Variants in CCNT2 observed in about 807,000 individuals in gnomAD.
CCNT2 encodes the protein cyclin T2.
In CCNT2, 18 loss-of-function variants were observed where a neutral mutation model predicts 70.0. The observed-to-expected ratio is 0.26, with a 90% CI of 0.18 to 0.38. The LOEUF is 0.38. Ranked by LOEUF, CCNT2 falls within the 10% of genes least tolerant of loss-of-function variation. The pLI, the probability that CCNT2 is intolerant of heterozygous loss-of-function variation, is 1.00. For missense variants in CCNT2, 734 were observed against 890.2 expected, an observed-to-expected ratio of 0.82 and a Z score of 2.23; for synonymous variants, 334 against 313.3, an observed-to-expected ratio of 1.07 and a Z score of -0.70.
At chr2:134,946,366 A>G in intron 6 of CCNT2, 1 of 1,249,552 alleles carries the variant, frequency 8.0e-7, no homozygotes, top group Non-Finnish European at 1.0e-6. Context: ...TTCTGATGAC[A>G]TATTCTCGAT....
intron 1 of CCNT2, among the ~76,000 whole-genome samples, chr2:134,919,551 G>C (rs1461632793): frequency 6.6e-6 from 1 of 152,076 alleles, no homozygotes; most frequent in African/African-American, 2.4e-5. Context: ...TTAGTTAGTC[G>C]TAGCCATTGA....
rs745511547 is a variant in CCNT2, at chr2:134,953,588, A to T, written c.1133A>T (p.Asn378Ile). Residue 378 changes from asparagine (N) to isoleucine (I), a missense_variant, in exon 9 of 9, where the codon AAC (asparagine) becomes ATC (isoleucine). Physicochemically the swap from Asn to Ile is moderately radical, Grantham distance 149. This residue lies in a region of CCNT2 where 532 missense variants were observed against 556.9 expected (regional missense o/e 0.96). Transcript: ENST00000264157. ...ACATCTTTGTCTGGTAGCCAGTACA[A>T]CATCAACTTCCAGCAGGGACCTTCT... The part of the protein sequence containing the change: ...QETSLSGSQY[N>I]INFQQGPSIS... The T allele has an allele frequency of 3.7e-6, 6 of 1,614,154 alleles. No homozygotes were observed. Among genetic ancestry groups the T allele is most frequent in the South Asian group, 1.1e-5 (1 of 91,082 alleles).
intron 2 of CCNT2, among the ~76,000 whole-genome samples, chr2:134,921,321 T>C (rs1208017939): frequency 6.6e-6 from 1 of 152,018 alleles, no homozygotes; most frequent in African/African-American, 2.4e-5. Flanking sequence ...ATAAATGATC[T>C]AGCCACAAGT....
chr2:134,933,431 A>G (rs1359698545), intron 2 of CCNT2, among the ~76,000 whole-genome samples: 1 of 152,194 alleles, frequency 6.6e-6, no homozygotes, highest in African/African-American at 2.4e-5. Context: ...AGAGTGAAGA[A>G]TATCAGCAGT....
intron 5 of CCNT2, chr2:134,945,089 C>T (rs1369026546): frequency 1.0e-6 from 1 of 985,270 alleles, no homozygotes; most frequent in African/African-American, 1.7e-5. Flanking sequence ...GTCACACTGC[C>T]TCCAAGACAT....
intron 7 of CCNT2, among the ~76,000 whole-genome samples, 160 bp from the exon 8 acceptor site, chr2:134,952,481 G>A (rs545620811): frequency 2.1e-4 from 32 of 152,232 alleles, no homozygotes; most frequent in African/African-American, 6.5e-4. Context: ...TGAAAATGCC[G>A]GTTGAGAGTT....
intron 7 of CCNT2, among the ~76,000 whole-genome samples, chr2:134,949,619 C>T (rs1682286542): frequency 6.6e-6 from 1 of 152,020 alleles, no homozygotes; most frequent in African/African-American, 2.4e-5. Context: ...TAATGTTTTT[C>T]TTAAATTGTT....
At chr2:134,946,245 G>A in intron 6 of CCNT2, 99 bp downstream of exon 6, 1 of 1,392,738 alleles carries the variant, frequency 7.2e-7, no homozygotes, top group Non-Finnish European at 1.0e-6. Context: ...GTTGCGACAG[G>A]AGACTGGACC....
chr2:134,929,442 A>C (rs932977848), intron 2 of CCNT2, among the ~76,000 whole-genome samples: 1 of 151,574 alleles, frequency 6.6e-6, no homozygotes, highest in Non-Finnish European at 1.5e-5. Context: ...CTCTACAAAA[A>C]TTAATTTAAA....
At chr2:134,925,980 C>T (rs557343741) in intron 2 of CCNT2, among the ~76,000 whole-genome samples, 1 of 151,064 alleles carries the variant, frequency 6.6e-6, no homozygotes, top group African/African-American at 2.4e-5. Context: ...ATTCCCCCAC[C>T]TTAGCCTCCC....
At chr2:134,925,364 G>A (rs895718030) in intron 2 of CCNT2, among the ~76,000 whole-genome samples, 10 of 152,046 alleles carry the variant, frequency 6.6e-5, no homozygotes, top group African/African-American at 1.2e-4. Context: ...GTATGATTCC[G>A]TGGGGTTTGT....
At chr2:134,923,920 GA>G (rs1229661516) in intron 2 of CCNT2, among the ~76,000 whole-genome samples, 1 of 152,094 alleles carries the variant, frequency 6.6e-6, no homozygotes, top group Non-Finnish European at 1.5e-5. Context: ...AGTAAACAAT[GA>G]AAAAACCTCA....
Position 134,947,727 on chromosome 2 carries a change from C to T in CCNT2, c.540-9C>T, listed in dbSNP as rs751635394. The T allele has an allele frequency of 6.9e-7, 1 of 1,445,850 alleles. No homozygotes were observed. The highest frequency in any genetic ancestry group is 1.7e-5 in the South Asian group (1 of 60,376). The allele number at this position is 1,445,850 out of a possible 1,614,324, so 89.6% of individuals were successfully genotyped here. A position where few individuals can be genotyped will look rare whatever the true frequency, so the allele number is the denominator to read the frequency against. On this transcript the variant is annotated splice_polypyrimidine_tract_variant and intron_variant, in intron 6 of 8. Transcript: ENST00000264157. ...ATGGCTCTCCATTTTCAAACCTGCT[C>T]TGCAACAGTCTGCATCTTACAACCT...
rs1224075930 is a variant in CCNT2, at chr2:134,918,875, T to G, written c.21T>G (p.Ala7=). The part of the protein sequence containing the change: MASGRG[A]SSRWFFTREQ... ...GTGTCATGGCGTCGGGCCGTGGAGC[T>G]TCTTCTCGCTGGTTCTTTACTCGGG... The change falls in exon 1 of 9, where the codon GCT becomes GCG. Residue 7 remains alanine (A), a synonymous_variant. Transcript: ENST00000264157. 9 of 1,613,678 alleles carry G rather than the reference T, an allele frequency of 5.6e-6. No individual in the cohort carries two copies. Among genetic ancestry groups the G allele is most frequent in the Non-Finnish European group, 7.6e-6 (9 of 1,179,730 alleles).
chr2:134,920,093 C>T (rs1402383870), intron 2 of CCNT2: 2 of 470,956 alleles, frequency 4.2e-6, no homozygotes, highest in Admixed American at 8.1e-5. Context: ...CACTGTTAAG[C>T]TCTGCCAGGC....
chr2:134,939,815 C>T (rs1313465530), intron 4 of CCNT2, among the ~76,000 whole-genome samples: 1 of 152,104 alleles, frequency 6.6e-6, no homozygotes, highest in Non-Finnish European at 1.5e-5. Context: ...TGTTGGTCAT[C>T]CTTTTCTAAA....
intron 2 of CCNT2, among the ~76,000 whole-genome samples, chr2:134,931,816 C>T (rs959644860): frequency 2.6e-5 from 4 of 152,056 alleles, no homozygotes; most frequent in Non-Finnish European, 5.9e-5. Flanking sequence ...CTCAGGCTAG[C>T]CTCAAACCCA....
At chr2:134,943,900 TACG>T (rs1681753229) in intron 5 of CCNT2, 1 of 970,288 alleles carries the variant, frequency 1.0e-6, no homozygotes, top group Admixed American at 6.2e-5. Context: ...ACAAAATGAG[TACG>T]ACTTTTGAAA....
At chr2:134,937,051 C>T in intron 3 of CCNT2, 82 bp downstream of exon 3, 1 of 931,672 alleles carries the variant, frequency 1.1e-6, no homozygotes, top group Non-Finnish European at 1.6e-6. Context: ...ATACACAGTT[C>T]AATTAGTGGT....
Sources: gnomAD v4.1 joint callset for allele counts (sites outside exome capture counted in the v4.1 genomes callset) on GRCh38, gnomAD v4.1.1 for gene constraint, gnomAD v4.1.1 regional missense constraint, MANE v1.5 for transcripts, NCBI Gene and HGNC (gene_info 2026-07-23, HGNC 2026-07-21) for gene names.